The following PCDHGA4 variants were observed in gnomAD, a reference collection of about 807,000 sequenced individuals.
PCDHGA4 encodes protocadherin gamma-A4.
PCDHGA4 carries 38 observed loss-of-function variants against 54.6 expected under a neutral mutation model. The observed-to-expected ratio is 0.70, with a 90% CI of 0.54 to 0.91. The LOEUF (loss-of-function observed/expected upper bound fraction) is 0.91, where lower values mean the gene tolerates loss of function less well. Among genes scored for constraint, PCDHGA4 ranks in the 40% least tolerant of loss-of-function variants. The pLI is 0.00. For synonymous variants in PCDHGA4, 511 were observed against 512.9 expected (o/e 1.00, Z 0.05); for missense variants, 1,298 against 1,220.9 (o/e 1.06, Z -0.94).
chr5:141,356,607 C>A lies in PCDHGA4; in HGVS notation c.1500C>A (p.Ala500=). The A allele has an allele frequency of 6.2e-7, 1 of 1,614,198 alleles. No homozygotes were observed. The highest frequency in any genetic ancestry group is 8.5e-7 in the Non-Finnish European group (1 of 1,180,032). ...AYIPENNPRG[A]SILSMTAQDP... ...TTCCTGAAAACAACCCCAGAGGAGC[C>A]TCCATCTTATCTATGACTGCTCAAG... The change falls in exon 1 of 4, where the codon GCC becomes GCA. Residue 500 remains alanine (A), a synonymous_variant. Coordinates refer to ENST00000571252, the MANE Select transcript of PCDHGA4 (RefSeq NM_018917.4).
intron 1 of PCDHGA4, chr5:141,390,523 G>C: frequency 1.8e-6 from 1 of 556,304 alleles, no homozygotes; most frequent in Non-Finnish European, 3.1e-6. Context: ...AGCAATGAGG[G>C]TGTGGTTTTA....
intron 1 of PCDHGA4, chr5:141,383,360 T>C (rs1319923403): frequency 6.2e-7 from 1 of 1,614,006 alleles, no homozygotes; most frequent in Admixed American, 1.7e-5. Flanking sequence ...CGGTTTCCGT[T>C]AAGCGAGGCT....
chr5:141,455,627 A>G (rs1426625737), intron 1 of PCDHGA4, among the ~76,000 whole-genome samples: 2 of 152,104 alleles, frequency 1.3e-5, no homozygotes, highest in East Asian at 3.9e-4. Context: ...ACACGTGGAG[A>G]TATGTGGGGG....
chr5:141,507,632 G>A (rs551849213), intron 3 of PCDHGA4, among the ~76,000 whole-genome samples: 6 of 152,360 alleles, frequency 3.9e-5, no homozygotes, highest in Non-Finnish European at 7.3e-5. Flanking sequence ...GTGGCCTTGC[G>A]CCCTGAGGCC....
rs1240258760 is a variant in PCDHGA4 at position 141,423,933 on chromosome 5, GAAGT to G, written c.2514+66317_2514+66320del. On this transcript the variant is annotated intron_variant, in intron 1 of 3. Coordinates refer to ENST00000571252, the MANE Select transcript of PCDHGA4 (RefSeq NM_018917.4). The stretch of plus-strand genomic sequence containing the variant: ...CCATTCAACTATGCTGGTTTGGTTT[GAAGT>G]AAGTTGAATTTTAGTATTATTTTTC... 5 of 1,226,500 alleles carry G rather than the reference GAAGT, an allele frequency of 4.1e-6. No homozygotes were observed. The African/African-American group carries it at 7.9e-5, about 19-fold the overall frequency. The allele number at this position is 1,226,500 out of a possible 1,614,324, so 76.0% of individuals were successfully genotyped here. A position where few individuals can be genotyped will look rare whatever the true frequency, so the allele number is the denominator to read the frequency against.
intron 1 of PCDHGA4, 44 bp downstream of exon 1, chr5:141,357,665 CAA>C (rs1263255857): frequency 5.0e-6 from 8 of 1,599,428 alleles, no homozygotes; most frequent in Non-Finnish European, 6.0e-6. Context: ...GAAATATAGA[CAA>C]AGAGTTGTGT....
chr5:141,373,366 A>T (rs1309577062), intron 1 of PCDHGA4, among the ~76,000 whole-genome samples: 1 of 152,214 alleles, frequency 6.6e-6, no homozygotes, highest in Non-Finnish European at 1.5e-5. Context: ...ACTGTAATGA[A>T]TTGGTTCAAA....
intron 1 of PCDHGA4, chr5:141,409,818 C>G (rs1027344375): frequency 3.7e-6 from 6 of 1,610,800 alleles, no homozygotes; most frequent in African/African-American, 1.3e-5. Flanking sequence ...GACCACGGCT[C>G]GCCCACGCTC....
In PCDHGA4 at chr5:141,409,864, C is replaced by A. The variant is rs772646188; in HGVS notation, c.2514+52243C>A. The A allele has an allele frequency of 1.9e-6, 3 of 1,612,574 alleles. No individual in the cohort carries two copies. The East Asian group carries it at 6.7e-5, about 36-fold the overall frequency. Reference sequence around the variant, plus strand: ...TGAGCCTGCGCGTGTTGGTGGGAGACCGCAATGACAACGCACCGCGGGTGC... The same window carrying A: ...TGAGCCTGCGCGTGTTGGTGGGAGAACGCAATGACAACGCACCGCGGGTGC... On this transcript the variant is annotated intron_variant, in intron 1 of 3. Transcript: ENST00000571252.
chr5:141,397,972 G>A lies in PCDHGA4; in HGVS notation c.2514+40351G>A. 2.6e-6 allele frequency: 3 copies of A among 1,155,562 alleles called. No homozygotes were observed. In the South Asian group the frequency reaches 4.9e-5, roughly 19 times the overall value. The allele number at this position is 1,155,562 out of a possible 1,614,324, so 71.6% of individuals were successfully genotyped here. A position where few individuals can be genotyped will look rare whatever the true frequency, so the allele number is the denominator to read the frequency against. On this transcript the variant is annotated intron_variant, in intron 1 of 3. Transcript: ENST00000571252. ...GCAGCCCCAGCTCAGACTCCCCAGC[G>A]CCGGCCTTTACACCGCTTCCTCCTC...
intron 1 of PCDHGA4, among the ~76,000 whole-genome samples, chr5:141,454,626 G>A (rs1206050863): frequency 6.6e-6 from 1 of 151,304 alleles, no homozygotes; most frequent in African/African-American, 2.4e-5. Flanking sequence ...GGCTGGTCTC[G>A]AACCCCCAAC....
intron 1 of PCDHGA4, chr5:141,383,222 TC>T: frequency 6.2e-7 from 1 of 1,613,962 alleles, no homozygotes. Flanking sequence ...AACTTTAACA[TC>T]CTGATGGAAG....
intron 2 of PCDHGA4, among the ~76,000 whole-genome samples, chr5:141,498,352 CA>C: frequency 6.6e-6 from 1 of 151,890 alleles, no homozygotes; most frequent in African/African-American, 2.4e-5. Flanking sequence ...AAAGCCTATG[CA>C]AAAGCCTTGT....
At chr5:141,438,210 A>G (rs1228726792) in intron 1 of PCDHGA4, among the ~76,000 whole-genome samples, 2 of 152,188 alleles carry the variant, frequency 1.3e-5, no homozygotes, top group Non-Finnish European at 2.9e-5. Flanking sequence ...ACCATATGGG[A>G]AGGGCTCTGG....
At chr5:141,498,679 C>T (rs1454800332) in intron 2 of PCDHGA4, among the ~76,000 whole-genome samples, 1 of 152,170 alleles carries the variant, frequency 6.6e-6, no homozygotes, top group African/African-American at 2.4e-5. Flanking sequence ...CGCCTGTAAT[C>T]CCAGCACTTT....
At position 141,477,368 on chromosome 5, in the gene PCDHGA4, G is replaced by A; in HGVS notation, c.2515-17439G>A. Reference sequence around the variant, plus strand: ...GAAAACCAGTGCAGACCTGGATCGGGAGACTGTGCCAGAATACAACCTCAG... The same window carrying A: ...GAAAACCAGTGCAGACCTGGATCGGAAGACTGTGCCAGAATACAACCTCAG... On this transcript the variant is annotated intron_variant, in intron 1 of 3. Coordinates refer to ENST00000571252, the MANE Select transcript of PCDHGA4 (RefSeq NM_018917.4). The surrounding 1 kb of genome is among the most constrained non-coding windows in gnomAD (Gnocchi z 4.9). 6.2e-7 allele frequency: 1 copy of A among 1,614,132 alleles called. No individual in the cohort carries two copies. Among genetic ancestry groups the A allele is most frequent in the Non-Finnish European group, 8.5e-7 (1 of 1,180,024 alleles).
chr5:141,371,003 A>G (rs945261754), intron 1 of PCDHGA4: 20 of 1,613,844 alleles, frequency 1.2e-5, no homozygotes, highest in Non-Finnish European at 1.6e-5. Flanking sequence ...TGGACAGGGA[A>G]GAGCAGCCAC....
intron 1 of PCDHGA4, among the ~76,000 whole-genome samples, chr5:141,430,383 G>GA (rs139772145): frequency 0.061 from 8,436 of 138,452 alleles, 243 homozygotes; most frequent in South Asian, 0.089. Context: ...AGCTCATTGG[G>GA]AAAAAAAAAA....
intron 1 of PCDHGA4, among the ~76,000 whole-genome samples, chr5:141,387,512 T>G (rs1371060044): frequency 1.3e-5 from 2 of 152,256 alleles, no homozygotes; most frequent in South Asian, 4.1e-4. Flanking sequence ...TTAGACGTCA[T>G]TAAATATACA....
Sources: gnomAD v4.1 joint callset for allele counts (sites outside exome capture counted in the v4.1 genomes callset) on GRCh38, gnomAD v4.1.1 for gene constraint, Gnocchi (gnomAD v3.1) non-coding constraint, MANE v1.5 for transcripts, NCBI Gene and HGNC (gene_info 2026-07-23, HGNC 2026-07-21) for gene names.